The following CYP39A1 variants were observed in gnomAD, a reference collection of about 807,000 sequenced individuals.
CYP39A1 encodes 24-hydroxycholesterol 7-alpha-hydroxylase.
Under a neutral mutation model 58.1 loss-of-function variants are expected in CYP39A1, and 49 were observed. The ratio of observed to expected loss-of-function variants is 0.84; its 90% confidence interval spans 0.67 to 1.07. CYP39A1 has a LOEUF of 1.07. Ranked by LOEUF, CYP39A1 falls within the 50% of genes least tolerant of loss-of-function variation. CYP39A1 has a pLI of 0.00. For missense variants in CYP39A1, 531 were observed against 539.4 expected (o/e 0.98, Z 0.16); for synonymous variants, 209 against 187.6 (o/e 1.11, Z -0.93).
intron 7 of CYP39A1, among the ~76,000 whole-genome samples, chr6:46,598,881 TAA>T (rs1309363025): frequency 1.1e-4 from 17 of 152,222 alleles, no homozygotes; most frequent in South Asian, 8.3e-4. Context: ...CGGTATGTAC[TAA>T]GTGTTCAGTA....
chr6:46,567,987 ATT>A (rs1057001059), intron 10 of CYP39A1, among the ~76,000 whole-genome samples: 4 of 146,026 alleles, frequency 2.7e-5, no homozygotes, highest in South Asian at 2.2e-4. Flanking sequence ...CTTATAAGAC[ATT>A]TTTTTTTAAA....
At chr6:46,616,957 C>T (rs1054226730) in intron 7 of CYP39A1, among the ~76,000 whole-genome samples, 4 of 151,986 alleles carry the variant, frequency 2.6e-5, no homozygotes, top group Non-Finnish European at 4.4e-5. Flanking sequence ...GATTGGCGAT[C>T]GATCAATGGA....
intron 1 of CYP39A1, among the ~76,000 whole-genome samples, chr6:46,643,418 G>T (rs1376002777): frequency 6.6e-6 from 1 of 152,184 alleles, no homozygotes; most frequent in Non-Finnish European, 1.5e-5. Flanking sequence ...TAGGCAACTT[G>T]CAGGCCCAAA....
At chr6:46,577,794 G>T (rs1237905392) in intron 10 of CYP39A1, among the ~76,000 whole-genome samples, 1 of 151,884 alleles carries the variant, frequency 6.6e-6, no homozygotes, top group African/African-American at 2.4e-5. Context: ...ATTCTTAGAG[G>T]CTTATATTGA....
chr6:46,602,656 T>C (rs1396970729), intron 7 of CYP39A1, among the ~76,000 whole-genome samples: 2 of 33,462 alleles, frequency 6.0e-5, no homozygotes, highest in African/African-American at 1.3e-4. Context: ...CTACTAAAAA[T>C]ACAAAATCAG....
chr6:46,650,716 A>C (rs374948644), intron 1 of CYP39A1, among the ~76,000 whole-genome samples: 1 of 151,618 alleles, frequency 6.6e-6, no homozygotes, highest in East Asian at 1.9e-4. Flanking sequence ...AGGTCTTGCT[A>C]TATCTCCCGG....
At chr6:46,579,584 C>T (rs116366993) in intron 10 of CYP39A1, among the ~76,000 whole-genome samples, 2,570 of 152,116 alleles carry the variant, frequency 0.017, 36 homozygotes, top group Non-Finnish European at 0.028. Context: ...TCTTCACAAA[C>T]GATATGATTC....
At chr6:46,644,238 T>A (rs1466516670) in intron 1 of CYP39A1, among the ~76,000 whole-genome samples, 1 of 152,176 alleles carries the variant, frequency 6.6e-6, no homozygotes, top group African/African-American at 2.4e-5. Flanking sequence ...TAGTATACAA[T>A]TTTTGGGGAC....
chr6:46,616,152 CTTTCTTTCTTT>C (rs750933859), intron 7 of CYP39A1, among the ~76,000 whole-genome samples: 5,237 of 7,494 alleles, frequency 0.7, 1,702 homozygotes, highest in South Asian at 0.77. Flanking sequence ...TTCTTTCTTT[CTTTCTTTCTTT>C]TTTCTTTCTT....
chr6:46,598,147 CAT>C (rs1773282200), intron 7 of CYP39A1, among the ~76,000 whole-genome samples: 1 of 152,070 alleles, frequency 6.6e-6, no homozygotes. Flanking sequence ...AAAAATGCTA[CAT>C]GTTATTGGTG....
intron 7 of CYP39A1, among the ~76,000 whole-genome samples, chr6:46,616,053 TTTC>T (rs1431432604): frequency 7.9e-6 from 1 of 126,332 alleles, no homozygotes; most frequent in Non-Finnish European, 1.7e-5. Context: ...TTTCTTTTCT[TTTC>T]TTTTCTCTCT....
chr6:46,581,891 G>A (rs1772154804), intron 10 of CYP39A1, among the ~76,000 whole-genome samples: 1 of 152,154 alleles, frequency 6.6e-6, no homozygotes, highest in Admixed American at 6.5e-5. Context: ...GAAATGGCCA[G>A]GAAAATAATG....
Position 46,614,396 on chromosome 6 carries a change from C to T in CYP39A1, c.931+11022G>A, listed in dbSNP as rs138493546. ...CATGGAAGTATATCCCTAGTCCTTC[C>T]GAGTTTCCATCACACAAGAACCGGC... On this transcript the variant is annotated intron_variant, in intron 7 of 11. Coordinates refer to ENST00000275016, the MANE Select transcript of CYP39A1 (RefSeq NM_016593.5). Among the ~76,000 whole-genome samples, 424 of 152,250 alleles carry T rather than the reference C, an allele frequency of 2.8e-3. 3 individuals carry two copies. The highest frequency in any genetic ancestry group is 9.5e-3 in the African/African-American group (393 of 41,532).
intron 8 of CYP39A1, among the ~76,000 whole-genome samples, chr6:46,589,994 G>A (rs1017182848): frequency 1.1e-4 from 17 of 152,118 alleles, no homozygotes; most frequent in Non-Finnish European, 2.1e-4. Context: ...ACAGGGAGGA[G>A]ACAAGAAAGA....
intron 10 of CYP39A1, among the ~76,000 whole-genome samples, chr6:46,564,117 TCTA>T (rs1561952454): frequency 1.8e-5 from 2 of 114,014 alleles, no homozygotes; most frequent in South Asian, 2.8e-4. Flanking sequence ...TTTATTTTAT[TCTA>T]TTTTATTCTA....
chr6:46,565,142 A>C (rs1307522966), intron 10 of CYP39A1, among the ~76,000 whole-genome samples: 2 of 152,138 alleles, frequency 1.3e-5, no homozygotes, highest in Admixed American at 1.3e-4. Flanking sequence ...CATTTATTAC[A>C]AGTTTCCTGG....
intron 7 of CYP39A1, among the ~76,000 whole-genome samples, chr6:46,607,706 G>A (rs149848444): frequency 6.9e-4 from 105 of 152,240 alleles, no homozygotes; most frequent in African/African-American, 2.5e-3. Context: ...GGGTTGCAAA[G>A]TGGAGTTGAA....
At chr6:46,570,807 C>A (rs1450400214) in intron 10 of CYP39A1, among the ~76,000 whole-genome samples, 1 of 152,098 alleles carries the variant, frequency 6.6e-6, no homozygotes. Flanking sequence ...AGGCCCCAAG[C>A]CATTCATGGG....
intron 1 of CYP39A1, among the ~76,000 whole-genome samples, chr6:46,651,657 C>T (rs1447047688): frequency 5.3e-5 from 8 of 152,178 alleles, no homozygotes; most frequent in Admixed American, 3.3e-4. Context: ...AATGCTACTA[C>T]GTATAAATTC....
Sources: gnomAD v4.1 joint callset for allele counts (sites outside exome capture counted in the v4.1 genomes callset) on GRCh38, gnomAD v4.1.1 for gene constraint, MANE v1.5 for transcripts, NCBI Gene and HGNC (gene_info 2026-07-23, HGNC 2026-07-21) for gene names.